The following ZFHX3 variants were observed in gnomAD, a reference collection of about 807,000 sequenced individuals.
The protein encoded by ZFHX3 is zinc finger homeobox protein 3.
Under a neutral mutation model 279.1 loss-of-function variants are expected in ZFHX3, and 42 were observed. The observed-to-expected ratio is 0.15, with a 90% CI of 0.12 to 0.19. ZFHX3 has a LOEUF of 0.19. ZFHX3 is among the 10% of genes least tolerant of loss of function. The pLI, the probability that ZFHX3 is intolerant of heterozygous loss-of-function variation, is 1.00. For missense variants in ZFHX3, 4,981 were observed against 4,754.0 expected (o/e 1.05, Z -1.40); for synonymous variants, 2,293 against 1,957.8 (o/e 1.17, Z -4.52).
intron 7 of ZFHX3, among the ~76,000 whole-genome samples, chr16:73,111,018 G>A (rs1478355109): frequency 3.3e-5 from 5 of 152,154 alleles, no homozygotes; most frequent in Admixed American, 3.3e-4. Flanking sequence ...TCGGCTCACT[G>A]CAACCTCCGG....
Position 73,240,307 on chromosome 16 carries a change from C to A in ZFHX3, c.-1104+16740G>T, listed in dbSNP as rs373889264. Reference sequence around the variant, plus strand: ...CATTTTGGCTCACTGCAACCTCCACCTCCTGGGTTCAAGTGATTCTCCAGC... The same window carrying A: ...CATTTTGGCTCACTGCAACCTCCACATCCTGGGTTCAAGTGATTCTCCAGC... On this transcript the variant is annotated intron_variant, in intron 5 of 17. Coordinates refer to the ZFHX3 transcript ENST00000641206. Among the ~76,000 whole-genome samples, 8 of 152,116 alleles carry A rather than the reference C, an allele frequency of 5.3e-5. No individual in the cohort carries two copies. In the East Asian group the frequency reaches 1.5e-3, roughly 29 times the overall value.
At chr16:73,432,294 G>A (rs1257744450) in intron 3 of ZFHX3, among the ~76,000 whole-genome samples, 1 of 151,984 alleles carries the variant, frequency 6.6e-6, no homozygotes, top group Admixed American at 6.6e-5. Context: ...TTGGCCTTGG[G>A]GTCTTCCACA....
chr16:73,585,649 T>A (rs1276566658), intron 2 of ZFHX3, among the ~76,000 whole-genome samples: 1 of 151,530 alleles, frequency 6.6e-6, no homozygotes, highest in Non-Finnish European at 1.5e-5. Flanking sequence ...CAAAAAGATG[T>A]GATAAGGAAG....
chr16:73,732,387 A>G (rs1461757116), intron 1 of ZFHX3, among the ~76,000 whole-genome samples: 1 of 152,226 alleles, frequency 6.6e-6, no homozygotes, highest in Non-Finnish European at 1.5e-5. Flanking sequence ...TTCTTTAAAT[A>G]AACAGTGAAA....
At chr16:73,148,191 A>G (rs1966876384) in intron 5 of ZFHX3, among the ~76,000 whole-genome samples, 1 of 152,246 alleles carries the variant, frequency 6.6e-6, no homozygotes. Flanking sequence ...TGACAGAGAC[A>G]GCATGGCTTG....
rs752543837 is a variant in ZFHX3 at position 72,959,642 on chromosome 16, C to T, written c.504G>A (p.Ser168=). The T allele has an allele frequency of 1.2e-5, 19 of 1,613,878 alleles. No individual in the cohort carries two copies. Among genetic ancestry groups the T allele is most frequent in the Non-Finnish European group, 1.5e-5 (18 of 1,180,022 alleles). Reference sequence around the variant, plus strand: ...CGCCAGGGAGAGAGTTCAGGAAAAGCGAGGGGAGAGGCCCACTGCCACTGC... The same window carrying T: ...CGCCAGGGAGAGAGTTCAGGAAAAGTGAGGGGAGAGGCCCACTGCCACTGC... ...GSGSGSGPLP[S]LFLNSLPGAG... Residue 168 remains serine, a synonymous_variant, in exon 2 of 10, where the codon TCG becomes TCA. Transcript: ENST00000268489.
At chr16:73,078,886 C>T (rs1965914040) in intron 8 of ZFHX3, among the ~76,000 whole-genome samples, 1 of 151,970 alleles carries the variant, frequency 6.6e-6, no homozygotes. Context: ...CCTCGTGATC[C>T]ACCTGCCTCA....
chr16:73,535,182 T>C (rs781344681), intron 2 of ZFHX3, among the ~76,000 whole-genome samples: 3 of 152,214 alleles, frequency 2.0e-5, no homozygotes, highest in Non-Finnish European at 4.4e-5. Context: ...CACCCCATAA[T>C]AGCCTAATTT....
intron 5 of ZFHX3, among the ~76,000 whole-genome samples, chr16:73,169,111 T>C (rs1317665038): frequency 6.6e-6 from 1 of 152,184 alleles, no homozygotes; most frequent in Non-Finnish European, 1.5e-5. Context: ...GGCACATGCC[T>C]GGTACATAGA....
At chr16:73,137,124 C>T (rs1966809262) in intron 6 of ZFHX3, 1 of 152,136 alleles carries the variant, frequency 6.6e-6, no homozygotes, top group Admixed American at 6.6e-5. Context: ...AGCAATTCTA[C>T]ATTTTAAAAT....
chr16:72,967,797 G>T (rs1437900327), intron 1 of ZFHX3, among the ~76,000 whole-genome samples: 2 of 151,138 alleles, frequency 1.3e-5, no homozygotes, highest in Non-Finnish European at 3.0e-5. Flanking sequence ...GCGTGGTGGC[G>T]GGCGCCTGTA....
intron 1 of ZFHX3, among the ~76,000 whole-genome samples, chr16:73,865,402 G>C (rs1298033295): frequency 6.6e-6 from 1 of 152,190 alleles, no homozygotes; most frequent in Non-Finnish European, 1.5e-5. Flanking sequence ...TTTGGGGCCG[G>C]TGTGGGGTGG....
At chr16:73,181,394 G>A (rs1567411852) in intron 5 of ZFHX3, among the ~76,000 whole-genome samples, 1 of 152,132 alleles carries the variant, frequency 6.6e-6, no homozygotes, top group Non-Finnish European at 1.5e-5. Context: ...CCAGCCAGCT[G>A]CAGCTAGTTT....
chr16:73,137,631 A>G (rs1004450464), intron 6 of ZFHX3: 5 of 152,108 alleles, frequency 3.3e-5, no homozygotes, highest in African/African-American at 1.2e-4. Flanking sequence ...ACCTCCGGGT[A>G]TATTAGGCAG....
intron 7 of ZFHX3, among the ~76,000 whole-genome samples, chr16:72,800,549 C>G (rs1487217877): frequency 6.6e-6 from 1 of 152,006 alleles, no homozygotes; most frequent in Non-Finnish European, 1.5e-5. Flanking sequence ...AATCTTGAAG[C>G]AGGGAGCATT....
intron 2 of ZFHX3, among the ~76,000 whole-genome samples, chr16:73,607,722 C>T (rs7201957): frequency 0.028 from 4,336 of 152,248 alleles, 186 homozygotes; most frequent in African/African-American, 0.099. Flanking sequence ...GTCCTCTTAA[C>T]TGGCAATCAT....
chr16:73,690,670 A>G (rs370966364), intron 1 of ZFHX3, among the ~76,000 whole-genome samples: 1 of 152,300 alleles, frequency 6.6e-6, no homozygotes. Context: ...TGCAATTCGA[A>G]GCTTGAAAAT....
chr16:72,824,776 A>C (rs1425837031), intron 5 of ZFHX3, among the ~76,000 whole-genome samples: 1 of 152,238 alleles, frequency 6.6e-6, no homozygotes, highest in East Asian at 1.9e-4. Context: ...AATAATGATT[A>C]ATTGGATAAT....
rs148635377 is a variant in ZFHX3, at chr16:73,317,652, C to G, written c.-1194+588G>C. On this transcript the variant is annotated intron_variant, in intron 4 of 17. Transcript: ENST00000641206. The stretch of plus-strand genomic sequence containing the variant: ...GAGGTTAGTGGCCATTGGGGGCCAG[C>G]AGTACCTCGTAAGGATGCCTGACCC... 6.2e-3 allele frequency among the ~76,000 whole-genome samples: 946 copies of G among 152,246 alleles called. 14 individuals are homozygous for G. The highest frequency in any genetic ancestry group is 0.022 in the African/African-American group (908 of 41,552).
Sources: gnomAD v4.1 joint callset for allele counts (sites outside exome capture counted in the v4.1 genomes callset) on GRCh38, gnomAD v4.1.1 for gene constraint, MANE v1.5 for transcripts, NCBI Gene and HGNC (gene_info 2026-07-23, HGNC 2026-07-21) for gene names.